The following AGBL4 variants were observed in gnomAD, a reference collection of about 807,000 sequenced individuals.
AGBL4 encodes cytosolic carboxypeptidase 6.
AGBL4 carries 58 observed loss-of-function variants against 66.4 expected under a neutral mutation model. The ratio of observed to expected loss-of-function variants is 0.87; its 90% CI spans 0.71 to 1.09. AGBL4 has a LOEUF of 1.09. Ranked by LOEUF, AGBL4 falls within the 50% of genes least tolerant of loss-of-function variation. The pLI, the probability that AGBL4 is intolerant of heterozygous loss-of-function variation, is 0.00. For synonymous variants in AGBL4, 234 were observed against 222.9 expected (o/e 1.05, Z -0.44); for missense variants, 579 against 631.0 (o/e 0.92, Z 0.88).
chr1:49,321,577 T>C (rs1269980101), intron 3 of AGBL4, among the ~76,000 whole-genome samples: 1 of 152,176 alleles, frequency 6.6e-6, no homozygotes, highest in African/African-American at 2.4e-5. Flanking sequence ...CACTTCTAGG[T>C]ATATGTCTTA....
At chr1:49,334,483 A>G (rs1319691014) in intron 3 of AGBL4, among the ~76,000 whole-genome samples, 1 of 152,226 alleles carries the variant, frequency 6.6e-6, no homozygotes, top group African/African-American at 2.4e-5. Context: ...ATTATTAATG[A>G]TAGTTATCCA....
intron 4 of AGBL4, among the ~76,000 whole-genome samples, chr1:49,154,551 C>T (rs1646395838): frequency 2.0e-5 from 3 of 152,096 alleles, no homozygotes; most frequent in Non-Finnish European, 4.4e-5. Context: ...GGCTTTCCAA[C>T]TTCTGTATCA....
chr1:49,919,035 C>G (rs1176817124), intron 1 of AGBL4, among the ~76,000 whole-genome samples: 2 of 152,144 alleles, frequency 1.3e-5, no homozygotes, highest in Admixed American at 6.5e-5. Context: ...ATTCAACATC[C>G]CTTCATGCTA....
At chr1:48,548,457 C>A (rs535422797) in intron 11 of AGBL4, among the ~76,000 whole-genome samples, 7 of 152,306 alleles carry the variant, frequency 4.6e-5, no homozygotes, top group African/African-American at 9.6e-5. Flanking sequence ...AGGGACGAGT[C>A]CTCCCTCATG....
rs533773134 is a variant in AGBL4, at chr1:49,847,124, C to G, written c.157+4272G>C. Reference sequence around the variant, plus strand: ...AAGAATAGAGAACCCAGAAATAAAGCCACCTATCTCCAGCCAACTACACAT... The same window carrying G: ...AAGAATAGAGAACCCAGAAATAAAGGCACCTATCTCCAGCCAACTACACAT... On this transcript the variant is annotated intron_variant, in intron 2 of 13. Transcript: ENST00000371839. Among the ~76,000 whole-genome samples, 70 of 152,210 alleles carry G rather than the reference C, an allele frequency of 4.6e-4. 1 individual carries two copies. Among genetic ancestry groups the G allele is most frequent in the African/African-American group, 1.5e-3 (63 of 41,528 alleles).
At chr1:48,997,217 C>G (rs1443478103) in intron 5 of AGBL4, among the ~76,000 whole-genome samples, 1 of 152,136 alleles carries the variant, frequency 6.6e-6, no homozygotes, top group African/African-American at 2.4e-5. Flanking sequence ...GCCACTGCAC[C>G]TGGCCCAGAA....
chr1:48,683,140 G>A (rs1446860909), intron 6 of AGBL4, among the ~76,000 whole-genome samples: 1 of 152,186 alleles, frequency 6.6e-6, no homozygotes, highest in East Asian at 1.9e-4. Flanking sequence ...ACAAAACAGG[G>A]ATGATGACAG....
At chr1:48,564,625 G>A (rs1258002259) in intron 11 of AGBL4, among the ~76,000 whole-genome samples, 1 of 152,136 alleles carries the variant, frequency 6.6e-6, no homozygotes, top group East Asian at 1.9e-4. Flanking sequence ...ATGTATACCA[G>A]TATCACAAAT....
At chr1:49,765,136 C>A (rs923275048) in intron 2 of AGBL4, among the ~76,000 whole-genome samples, 7 of 152,146 alleles carry the variant, frequency 4.6e-5, no homozygotes, top group Non-Finnish European at 8.8e-5. Flanking sequence ...CCCTCCACCC[C>A]CCATGGAACA....
intron 1 of AGBL4, among the ~76,000 whole-genome samples, chr1:49,980,334 T>C (rs1658957102): frequency 6.6e-6 from 1 of 152,212 alleles, no homozygotes; most frequent in Non-Finnish European, 1.5e-5. Flanking sequence ...ATATTCATAT[T>C]ATCATGCAAC....
At chr1:49,339,724 A>G (rs1390632954) in intron 3 of AGBL4, among the ~76,000 whole-genome samples, 7 of 152,214 alleles carry the variant, frequency 4.6e-5, no homozygotes, top group Non-Finnish European at 8.8e-5. Context: ...CATTTTTATT[A>G]TAGAAATGGT....
At chr1:49,025,291 C>T (rs563512612) in intron 5 of AGBL4, among the ~76,000 whole-genome samples, 13 of 152,240 alleles carry the variant, frequency 8.5e-5, no homozygotes, top group African/African-American at 1.4e-4. Context: ...CCCACTAATT[C>T]GCTGGGTGAC....
chr1:49,262,670 G>T (rs1467332780), intron 3 of AGBL4, among the ~76,000 whole-genome samples: 1 of 152,118 alleles, frequency 6.6e-6, no homozygotes, highest in Admixed American at 6.5e-5. Context: ...TGCTGGAGAG[G>T]ATGTGGAGAA....
chr1:49,129,962 C>T (rs534108744), intron 4 of AGBL4, among the ~76,000 whole-genome samples: 35 of 152,298 alleles, frequency 2.3e-4, no homozygotes, highest in South Asian at 6.2e-4. Context: ...TCTCCACATC[C>T]TCTCCAGCAC....
At chr1:48,905,023 A>G (rs1052404832) in intron 5 of AGBL4, among the ~76,000 whole-genome samples, 5 of 152,212 alleles carry the variant, frequency 3.3e-5, no homozygotes, top group African/African-American at 1.2e-4. Flanking sequence ...TTACAATCCA[A>G]TGGCTTAATT....
intron 1 of AGBL4, among the ~76,000 whole-genome samples, chr1:49,982,319 T>C (rs190999986): frequency 2.6e-5 from 4 of 152,284 alleles, no homozygotes; most frequent in Admixed American, 1.3e-4. Flanking sequence ...CCCTTCTGAG[T>C]TGACAGAGTG....
At chr1:49,998,307 C>T (rs1435862728) in intron 1 of AGBL4, among the ~76,000 whole-genome samples, 2 of 152,176 alleles carry the variant, frequency 1.3e-5, no homozygotes, top group African/African-American at 4.8e-5. Flanking sequence ...ACTATGAACA[C>T]TTTTATGTGT....
chr1:49,599,025 G>A lies in AGBL4; in HGVS notation c.282+98288C>T, dbSNP rs371183747. 1.2e-4 allele frequency among the ~76,000 whole-genome samples: 19 copies of A among 152,214 alleles called. No individual in the cohort carries two copies. In the East Asian group the frequency reaches 1.7e-3, roughly 14 times the overall value. On this transcript the variant is annotated intron_variant, in intron 3 of 13. Coordinates refer to ENST00000371839, the MANE Select transcript of AGBL4 (RefSeq NM_032785.4). ...TGCCAGTATTTTATTGAGGATTTTC[G>A]CATCATTGTTGATCAGGGATATTGG...
chr1:48,749,709 A>G (rs1458931434), intron 6 of AGBL4, among the ~76,000 whole-genome samples: 1 of 152,200 alleles, frequency 6.6e-6, no homozygotes, highest in Non-Finnish European at 1.5e-5. Context: ...TGTCACCTCT[A>G]GAAGCTCTGA....
Sources: allele counts gnomAD v4.1 joint callset (sites outside exome capture counted in the v4.1 genomes callset), GRCh38; gene constraint gnomAD v4.1.1; transcripts MANE v1.5; gene names NCBI Gene and HGNC (gene_info 2026-07-23, HGNC 2026-07-21).